The following NLGN1 variants were observed in gnomAD, a reference collection of about 807,000 sequenced individuals.
NLGN1 encodes the protein neuroligin 1.
NLGN1 carries 12 observed loss-of-function variants against 65.5 expected under a neutral mutation model. The ratio of observed to expected loss-of-function variants is 0.18; its 90% CI spans 0.12 to 0.30. The LOEUF is 0.30. Ranked by LOEUF, NLGN1 falls within the 10% of genes least tolerant of loss-of-function variation. The pLI, the probability that NLGN1 is intolerant of heterozygous loss-of-function variation, is 1.00. For missense variants in NLGN1, 750 were observed against 1,007.1 expected (o/e 0.74, Z 3.46); for synonymous variants, 350 against 359.5 (o/e 0.97, Z 0.30).
intron 4 of NLGN1, among the ~76,000 whole-genome samples, chr3:174,195,868 A>G (rs934624145): frequency 6.6e-6 from 1 of 152,184 alleles, no homozygotes; most frequent in African/African-American, 2.4e-5. Flanking sequence ...AGATTGGGCA[A>G]CCATTTACAT....
At position 173,754,037 on chromosome 3, in the gene NLGN1, T is replaced by G. The variant is rs201918852; in HGVS notation, c.494-53643T>G. Among the ~76,000 whole-genome samples, 219 of 121,390 alleles carry G rather than the reference T, an allele frequency of 1.8e-3. 1 individual carries two copies. The highest frequency in any genetic ancestry group is 3.2e-3 in the Admixed American group (38 of 11,848). 79.6% of individuals were successfully genotyped at this position (121,390 alleles called of 152,430 possible). A position where few individuals can be genotyped will look rare whatever the true frequency, so the allele number is the denominator to read the frequency against. ...TTTCTTTCTTTTCTTTTTTTTTTTT[T>G]GTTTTTTTTTTTGTTGTTGTTGTTG... On this transcript the variant is annotated intron_variant, in intron 3 of 6. Coordinates refer to ENST00000457714, the Ensembl canonical transcript of NLGN1.
At chr3:173,804,596 T>G (rs1286994492) in intron 3 of NLGN1, among the ~76,000 whole-genome samples, 1 of 151,404 alleles carries the variant, frequency 6.6e-6, no homozygotes, top group South Asian at 2.1e-4. Flanking sequence ...ATAAAGAGTC[T>G]GGTTCTTTCT....
intron 4 of NLGN1, among the ~76,000 whole-genome samples, chr3:174,260,789 GT>G (rs913850629): frequency 2.4e-4 from 36 of 150,896 alleles, no homozygotes; most frequent in Middle Eastern, 6.8e-3. Flanking sequence ...TAATGCCTAG[GT>G]TTTCTTCTAG....
chr3:174,116,330 C>CTTTTTTTTTTTTTTTTTTTTTTTT lies in NLGN1; in HGVS notation c.647-158981_647-158958dup, dbSNP rs1168837585. On this transcript the variant is annotated intron_variant, in intron 4 of 6. Transcript: ENST00000457714. ...ACATGTAAGTTTTTTTCTGGGTTTT[C>CTTTTTTTTTTTTTTTTTTTTTTTT]TTTTTTTTTTTTTTTTTTTTTTTTT... Among the ~76,000 whole-genome samples, 20 of 69,634 alleles carry CTTTTTTTTTTTTTTTTTTTTTTTT rather than the reference C, an allele frequency of 2.9e-4. 9 individuals carry two copies. Among genetic ancestry groups the CTTTTTTTTTTTTTTTTTTTTTTTT allele is most frequent in the Admixed American group, 3.4e-4 (2 of 5,888 alleles). The allele number at this position is 69,634 out of a possible 152,430, so 45.7% of individuals were successfully genotyped here.
At chr3:173,489,989 G>A (rs807157) in intron 2 of NLGN1, among the ~76,000 whole-genome samples, 15,624 of 152,118 alleles carry the variant, frequency 0.1, 919 homozygotes, top group Admixed American at 0.18. Context: ...ATATTAGCCC[G>A]TTGTCAGATG....
intron 3 of NLGN1, among the ~76,000 whole-genome samples, chr3:173,730,665 G>A (rs752558124): frequency 6.6e-6 from 1 of 152,036 alleles, no homozygotes. Context: ...CATATGAAAT[G>A]AGAGTATTAA....
intron 4 of NLGN1, among the ~76,000 whole-genome samples, chr3:174,064,143 A>AAAC (rs904131979): frequency 1.3e-5 from 2 of 152,080 alleles, no homozygotes; most frequent in East Asian, 1.9e-4. Context: ...ACTCTGTCTC[A>AAAC]AACAACAACA....
chr3:173,636,901 A>G (rs1338311674), intron 3 of NLGN1, among the ~76,000 whole-genome samples: 1 of 152,176 alleles, frequency 6.6e-6, no homozygotes, highest in Non-Finnish European at 1.5e-5. Context: ...AGAGGTCAAG[A>G]AAAGACAATG....
At chr3:173,453,634 TC>T (rs1241429213) in intron 2 of NLGN1, among the ~76,000 whole-genome samples, 1 of 152,212 alleles carries the variant, frequency 6.6e-6, no homozygotes, top group Non-Finnish European at 1.5e-5. Flanking sequence ...ACCACTTTCT[TC>T]ACTTATCCAT....
intron 4 of NLGN1, among the ~76,000 whole-genome samples, chr3:174,186,874 A>C (rs1477234): frequency 0.76 from 114,915 of 151,816 alleles, 43,595 homozygotes; most frequent in East Asian, 0.79. Context: ...ATAATAGATA[A>C]AAAGTAGCAA....
chr3:174,271,768 C>G (rs1478801500), intron 4 of NLGN1, among the ~76,000 whole-genome samples: 1 of 151,594 alleles, frequency 6.6e-6, no homozygotes, highest in Non-Finnish European at 1.5e-5. Context: ...AGTGGGAAGA[C>G]TGGTATTAAA....
chr3:173,514,643 A>C (rs371513909), intron 2 of NLGN1, among the ~76,000 whole-genome samples: 1 of 152,186 alleles, frequency 6.6e-6, no homozygotes, highest in East Asian at 1.9e-4. Context: ...TTTTGTGCCC[A>C]TTGATCAGCA....
chr3:173,916,932 A>G (rs1327644404), intron 4 of NLGN1, among the ~76,000 whole-genome samples: 1 of 152,214 alleles, frequency 6.6e-6, no homozygotes, highest in Non-Finnish European at 1.5e-5. Flanking sequence ...GTAGAAAAGC[A>G]GACTTGTTTT....
intron 3 of NLGN1, among the ~76,000 whole-genome samples, chr3:173,783,444 C>A (rs1385654866): frequency 6.6e-6 from 1 of 152,252 alleles, no homozygotes; most frequent in African/African-American, 2.4e-5. Flanking sequence ...AAGAAGGTTG[C>A]AGCTGATTAT....
At chr3:173,574,759 A>T (rs1745246456) in intron 2 of NLGN1, among the ~76,000 whole-genome samples, 1 of 152,370 alleles carries the variant, frequency 6.6e-6, no homozygotes, top group South Asian at 2.1e-4. Context: ...GATTTATTCA[A>T]CTACACCATC....
chr3:173,724,272 C>T (rs1771381296), intron 3 of NLGN1, among the ~76,000 whole-genome samples: 1 of 152,118 alleles, frequency 6.6e-6, no homozygotes, highest in African/African-American at 2.4e-5. Flanking sequence ...CTCCATTTTT[C>T]ACTACTATTC....
chr3:173,537,232 C>A (rs1737582944), intron 2 of NLGN1, among the ~76,000 whole-genome samples: 1 of 152,158 alleles, frequency 6.6e-6, no homozygotes, highest in Admixed American at 6.6e-5. Flanking sequence ...GTCAACTTGA[C>A]ATCCATATGT....
At chr3:174,017,736 G>A (rs1437710976) in intron 4 of NLGN1, among the ~76,000 whole-genome samples, 2 of 152,092 alleles carry the variant, frequency 1.3e-5, no homozygotes, top group African/African-American at 4.8e-5. Context: ...AGGGGAGGGA[G>A]TGTACAAATA....
intron 4 of NLGN1, among the ~76,000 whole-genome samples, chr3:173,834,068 A>G (rs913421107): frequency 2.6e-5 from 4 of 152,210 alleles, no homozygotes; most frequent in African/African-American, 4.8e-5. Context: ...AAAAAATCAA[A>G]CTTTTTCTCT....
Sources: allele counts gnomAD v4.1 joint callset (sites outside exome capture counted in the v4.1 genomes callset), GRCh38; gene constraint gnomAD v4.1.1; transcripts MANE v1.5; gene names NCBI Gene and HGNC (gene_info 2026-07-23, HGNC 2026-07-21).